The following HCFC2 variants were observed in gnomAD, a reference collection of about 807,000 sequenced individuals.
HCFC2 encodes host cell factor 2.
Under a neutral mutation model 89.2 loss-of-function variants are expected in HCFC2, and 18 were observed. The ratio of observed to expected loss-of-function variants is 0.20; its 90% CI spans 0.14 to 0.30. The LOEUF (loss-of-function observed/expected upper bound fraction) is 0.30. Among genes scored for constraint, HCFC2 ranks in the 10% least tolerant of loss-of-function variants. The pLI is 1.00. For synonymous variants in HCFC2, 308 were observed against 335.7 expected (o/e 0.92, Z 0.90); for missense variants, 578 against 956.1 (o/e 0.60, Z 5.21).
chr12:104,086,859 C>T lies in HCFC2; in HGVS notation c.1076C>T (p.Ala359Val), dbSNP rs2136615481. 1 of 1,613,560 alleles carries T rather than the reference C, an allele frequency of 6.2e-7. No homozygotes were observed. Among genetic ancestry groups the T allele is most frequent in the Non-Finnish European group, 8.5e-7 (1 of 1,179,590 alleles). The change falls in exon 8 of 15, where the codon GCA becomes GTA. Residue 359 changes from alanine to valine, a missense_variant. Ala to Val is a moderately conservative substitution (Grantham distance 64). Around this residue, in one of 4 missense-constraint regions of HCFC2, gnomAD observed 210 missense variants for 251.7 expected, o/e 0.83. Coordinates refer to ENST00000229330, the MANE Select transcript of HCFC2 (RefSeq NM_013320.3). ...GATTGTTCTATAGAGAAACCACCGG[C>T]ACCATCTCAAGTACAGCTGATCAAA... ...LWYLDTEKPP[A>V]PSQVQLIKAT...
At chr12:104,073,773 C>A (rs1275996528) in intron 3 of HCFC2, among the ~76,000 whole-genome samples, 1 of 152,154 alleles carries the variant, frequency 6.6e-6, no homozygotes, top group Non-Finnish European at 1.5e-5. Context: ...CCATCTCTGT[C>A]ATATCTTAAT....
Position 104,103,735 on chromosome 12 carries a change from T to C in HCFC2, c.*462T>C, listed in dbSNP as rs2030015274. The C allele has an allele frequency of 6.5e-6, 1 of 153,704 alleles. No individual in the cohort carries two copies. Among genetic ancestry groups the C allele is most frequent in the Admixed American group, 6.5e-5 (1 of 15,496 alleles). 9.5% of individuals were successfully genotyped at this position (153,704 alleles called of 1,614,324 possible). On this transcript the variant is annotated 3_prime_UTR_variant, in exon 15 of 15. Coordinates refer to ENST00000229330, the MANE Select transcript of HCFC2 (RefSeq NM_013320.3). ...ATGAGCAGTGTTCCTCTAACAACTGTCTTCTATTGGATAATATGTGTGATA... is the reference window on the plus strand; with the variant it reads ...ATGAGCAGTGTTCCTCTAACAACTGCCTTCTATTGGATAATATGTGTGATA...
chr12:104,097,935 G>A (rs984138141), intron 12 of HCFC2, among the ~76,000 whole-genome samples: 4 of 152,196 alleles, frequency 2.6e-5, no homozygotes, highest in Non-Finnish European at 5.9e-5. Flanking sequence ...TTTGGATCTA[G>A]AAATGAGCCA....
intron 9 of HCFC2, among the ~76,000 whole-genome samples, chr12:104,088,311 G>A (rs543876786): frequency 6.6e-6 from 1 of 152,260 alleles, no homozygotes; most frequent in South Asian, 2.1e-4. Flanking sequence ...TGAAAACCCA[G>A]GCCAAGGGAA....
At chr12:104,071,138 A>G (rs1566225147) in intron 3 of HCFC2, among the ~76,000 whole-genome samples, 1 of 152,188 alleles carries the variant, frequency 6.6e-6, no homozygotes, top group Non-Finnish European at 1.5e-5. Context: ...GTCTTTTAAA[A>G]AACTTTTTCC....
intron 3 of HCFC2, among the ~76,000 whole-genome samples, chr12:104,070,231 C>A (rs542053902): frequency 6.6e-6 from 1 of 151,934 alleles, no homozygotes; most frequent in African/African-American, 2.4e-5. Context: ...GGTTTCACCG[C>A]GTTAGCCAGG....
chr12:104,066,186 G>A lies in HCFC2; in HGVS notation c.183G>A (p.Leu61=), dbSNP rs779355990. The A allele has an allele frequency of 6.2e-7, 1 of 1,612,976 alleles. No individual in the cohort carries two copies. Among genetic ancestry groups the A allele is most frequent in the East Asian group, 2.2e-5 (1 of 44,834 alleles). ...AACTAGCTACGAATCAGTGGTTTCT[G>A]CCAGCTGTTAGAGGAGATATCCCTC... The part of the protein sequence containing the change: ...VYNTATNQWF[L]PAVRGDIPPG... The change falls in exon 2 of 15, where the codon CTG becomes CTA. Residue 61 remains leucine (L), a synonymous_variant. Coordinates refer to ENST00000229330, the MANE Select transcript of HCFC2 (RefSeq NM_013320.3).
intron 7 of HCFC2, among the ~76,000 whole-genome samples, chr12:104,085,297 AAG>A (rs1883800988): frequency 6.6e-6 from 1 of 152,176 alleles, no homozygotes; most frequent in Admixed American, 6.5e-5. Context: ...ATAATGAAAC[AAG>A]AGAGTAAATG....
At chr12:104,069,872 C>T (rs902620132) in intron 3 of HCFC2, among the ~76,000 whole-genome samples, 1 of 152,036 alleles carries the variant, frequency 6.6e-6, no homozygotes, top group Non-Finnish European at 1.5e-5. Context: ...CCGATATGCC[C>T]TGGTGTGTGA....
At chr12:104,099,134 G>C (rs1232046906) in intron 13 of HCFC2, among the ~76,000 whole-genome samples, 1 of 152,180 alleles carries the variant, frequency 6.6e-6, no homozygotes, top group Non-Finnish European at 1.5e-5. Context: ...AGAAGGTGAA[G>C]GGAAAGCAGG....
chr12:104,092,105 T>G (rs1401872331), intron 9 of HCFC2, among the ~76,000 whole-genome samples: 2 of 152,150 alleles, frequency 1.3e-5, no homozygotes, highest in Non-Finnish European at 2.9e-5. Flanking sequence ...CCAGGTCACT[T>G]TTATGGTTAG....
chr12:104,087,920 T>C, intron 8 of HCFC2, 66 bp from the exon 9 acceptor site: 1 of 864,622 alleles, frequency 1.2e-6, no homozygotes. Context: ...ACTTTAAAAA[T>C]ATTTAATTAT....
Position 104,064,793 on chromosome 12 carries a change from G to T in HCFC2, c.163+70G>T. On this transcript the variant is annotated intron_variant, in intron 1 of 14. Transcript: ENST00000229330. This position sits in a 1 kb window ranked among gnomAD's most constrained non-coding sequence, Gnocchi z 7.3. Reference sequence around the variant, plus strand: ...GAGGGGGAGGGGAGGCGAGGCGGCGGCCGCGGCCCTGACAGCTGTCACCGC... The same window carrying T: ...GAGGGGGAGGGGAGGCGAGGCGGCGTCCGCGGCCCTGACAGCTGTCACCGC... 7.0e-7 allele frequency: 1 copy of T among 1,428,336 alleles called. No homozygotes were observed. Among genetic ancestry groups the T allele is most frequent in the Non-Finnish European group, 9.3e-7 (1 of 1,078,652 alleles). The allele number at this position is 1,428,336 out of a possible 1,614,324, so 88.5% of individuals were successfully genotyped here.
chr12:104,102,109 A>C lies in HCFC2; in HGVS notation c.2020A>C (p.Ile674Leu). The C allele has an allele frequency of 6.2e-7, 1 of 1,613,948 alleles. No homozygotes were observed. The highest frequency in any genetic ancestry group is 8.5e-7 in the Non-Finnish European group (1 of 1,179,896). ...FSKISEFKTC[I>L]PGFPGAPSAV... ...CAAAATCAGTGAATTTAAAACTTGT[A>C]TTCCTGGTTTTCCTGGAGCTCCTTC... Residue 674 changes from isoleucine to leucine, a missense_variant, in exon 14 of 15, where the codon ATT becomes CTT. Around this residue, in one of 4 missense-constraint regions of HCFC2, gnomAD observed 140 missense variants for 266.4 expected, o/e 0.53. Coordinates refer to ENST00000229330, the MANE Select transcript of HCFC2 (RefSeq NM_013320.3).
At chr12:104,096,823 C>T (rs1209053474) in intron 12 of HCFC2, among the ~76,000 whole-genome samples, 1 of 151,966 alleles carries the variant, frequency 6.6e-6, no homozygotes, top group East Asian at 1.9e-4. Context: ...TGTATATATA[C>T]ATACATATAT....
chr12:104,067,014 C>T (rs2136590420), intron 2 of HCFC2, among the ~76,000 whole-genome samples: 1 of 152,314 alleles, frequency 6.6e-6, no homozygotes, highest in Admixed American at 6.5e-5. Flanking sequence ...TCTTGAACTC[C>T]TGACCTCAGG....
chr12:104,099,974 G>T (rs774449264), intron 13 of HCFC2, among the ~76,000 whole-genome samples: 26 of 152,128 alleles, frequency 1.7e-4, no homozygotes, highest in South Asian at 4.1e-4. Context: ...TGGGTTTTAA[G>T]TCATAAATAA....
intron 8 of HCFC2, among the ~76,000 whole-genome samples, chr12:104,087,481 ATATG>A (rs1566232459): frequency 3.3e-5 from 4 of 122,192 alleles, no homozygotes; most frequent in Admixed American, 1.6e-4. Flanking sequence ...ATATATATAT[ATATG>A]TATATATATA....
At chr12:104,096,006 A>G (rs1884165970) in intron 11 of HCFC2, among the ~76,000 whole-genome samples, 2 of 152,184 alleles carry the variant, frequency 1.3e-5, no homozygotes, top group Admixed American at 6.5e-5. Flanking sequence ...TGTATTAACA[A>G]TTCTTCCAAC....
Sources: allele counts gnomAD v4.1 joint callset (sites outside exome capture counted in the v4.1 genomes callset), GRCh38; gene constraint gnomAD v4.1.1; regional missense constraint gnomAD v4.1.1; non-coding constraint Gnocchi (gnomAD v3.1); transcripts MANE v1.5; gene names NCBI Gene and HGNC (gene_info 2026-07-23, HGNC 2026-07-21).